TJP2: variants seen among roughly 807,000 people sequenced by gnomAD.
The protein encoded by TJP2 is Friedreich ataxia region gene X104 (tight junction protein ZO-2).
TJP2 carries 91 observed loss-of-function variants against 133.1 expected under a neutral mutation model. That is an observed-to-expected ratio of 0.68 (90% CI 0.58 to 0.81). TJP2 has a LOEUF of 0.81. Among genes scored for constraint, TJP2 ranks in the 40% least tolerant of loss-of-function variants. TJP2 has a pLI of 0.00. For missense variants in TJP2, 1,541 were observed against 1,565.6 expected (o/e 0.98, Z 0.26); for synonymous variants, 592 against 583.4 (o/e 1.01, Z -0.21).
At position 69,229,246 on chromosome 9, in the gene TJP2, T is replaced by A; in HGVS notation, c.1516T>A (p.Tyr506Asn). The change falls in exon 10 of 23, where the codon TAT becomes AAT. Residue 506 changes from tyrosine (Y) to asparagine (N), a missense_variant. By Grantham distance (143) the Tyr-to-Asn change is moderately radical. Transcript: ENST00000377245. ...TCCTAGTCCTGAAGATGAAGCAATATATGGGTATGTATTTCCGTCTCTCTT... is the reference window on the plus strand; with the variant it reads ...TCCTAGTCCTGAAGATGAAGCAATAAATGGGTATGTATTTCCGTCTCTCTT... ...LRPSPEDEAI[Y>N]GPNTKMVRFK... The A allele has an allele frequency of 6.2e-7, 1 of 1,613,764 alleles. No individual in the cohort carries two copies. The highest frequency in any genetic ancestry group is 8.5e-7 in the Non-Finnish European group (1 of 1,179,684).
intron 1 of TJP2, among the ~76,000 whole-genome samples, chr9:69,141,882 C>T (rs1823034392): frequency 1.3e-5 from 2 of 152,230 alleles, no homozygotes; most frequent in African/African-American, 4.8e-5. Flanking sequence ...AGCCACAGCA[C>T]CTGGCTGCAT....
intron 1 of TJP2, among the ~76,000 whole-genome samples, chr9:69,176,970 T>C (rs556551010): frequency 2.0e-5 from 3 of 148,884 alleles, no homozygotes; most frequent in East Asian, 3.9e-4. Context: ...TTGGGTGTGG[T>C]GGGGGCGGGG....
chr9:69,196,149 G>C (rs1050411085), intron 1 of TJP2, among the ~76,000 whole-genome samples: 1 of 152,150 alleles, frequency 6.6e-6, no homozygotes, highest in South Asian at 2.1e-4. Context: ...TGGTGTGAAG[G>C]CCAGTGATCA....
chr9:69,192,472 T>C (rs1173063552), intron 1 of TJP2, among the ~76,000 whole-genome samples: 1 of 152,088 alleles, frequency 6.6e-6, no homozygotes, highest in Non-Finnish European at 1.5e-5. Context: ...ACATTGTCTG[T>C]CTCTTGGTCT....
intron 2 of TJP2, among the ~76,000 whole-genome samples, chr9:69,153,688 G>A (rs1823600193): frequency 1.3e-5 from 2 of 152,164 alleles, no homozygotes; most frequent in African/African-American, 4.8e-5. Context: ...AGAGAGATTG[G>A]AGCTAGCATT....
rs1281360186 is a variant in TJP2 at position 69,195,659 on chromosome 9, A to G, written c.61-16889A>G. ...GTGTCTGGCATATTGTTAATGTCCAATCAGTGATGATGTGTTTCAGGCCCC... is the reference window on the plus strand; with the variant it reads ...GTGTCTGGCATATTGTTAATGTCCAGTCAGTGATGATGTGTTTCAGGCCCC... On this transcript the variant is annotated intron_variant, in intron 1 of 22. Transcript: ENST00000377245. 2.0e-5 allele frequency among the ~76,000 whole-genome samples: 3 copies of G among 152,218 alleles called. No individual in the cohort carries two copies. The East Asian group carries it at 5.8e-4, about 29-fold the overall frequency.
At chr9:69,247,503 G>A (rs958714711) in intron 18 of TJP2, among the ~76,000 whole-genome samples, 5 of 152,218 alleles carry the variant, frequency 3.3e-5, no homozygotes, top group African/African-American at 1.2e-4. Context: ...AGAACTAGAT[G>A]TGTAGTCAAA....
At position 69,254,734 on chromosome 9, in the gene TJP2, C is replaced by G. The variant is rs894728870; in HGVS notation, c.*360C>G. The G allele has an allele frequency of 1.8e-6, 1 of 554,926 alleles. No individual in the cohort carries two copies. Among genetic ancestry groups the G allele is most frequent in the Non-Finnish European group, 3.2e-6 (1 of 314,266 alleles). The allele number at this position is 554,926 out of a possible 1,614,324, so 34.4% of individuals were successfully genotyped here. The stretch of plus-strand genomic sequence containing the variant: ...CCTCATTAATAGCTGCCTTCAAGGA[C>G]TGTTTCAGTGTGAGTCAGAATGTGA... On this transcript the variant is annotated 3_prime_UTR_variant, in exon 23 of 23. Coordinates refer to ENST00000377245, the MANE Select transcript of TJP2 (RefSeq NM_004817.4).
chr9:69,130,948 C>G (rs970266103), intron 1 of TJP2, among the ~76,000 whole-genome samples: 11 of 151,964 alleles, frequency 7.2e-5, no homozygotes, highest in African/African-American at 2.7e-4. Context: ...TGTAGCTGTG[C>G]AGGCCTGGCC....
intron 1 of TJP2, among the ~76,000 whole-genome samples, chr9:69,138,786 G>A (rs1334846276): frequency 6.6e-6 from 1 of 152,090 alleles, no homozygotes; most frequent in South Asian, 2.1e-4. Flanking sequence ...GCATGGTGGA[G>A]CATGCCTGTA....
At chr9:69,133,895 C>G (rs533369993) in intron 1 of TJP2, among the ~76,000 whole-genome samples, 1 of 152,120 alleles carries the variant, frequency 6.6e-6, no homozygotes, top group South Asian at 2.1e-4. Flanking sequence ...TACCTGGATG[C>G]CCCAGATTTC....
intron 1 of TJP2, among the ~76,000 whole-genome samples, chr9:69,196,946 TACACACAC>T (rs746386691): frequency 5.2e-5 from 7 of 134,170 alleles, no homozygotes; most frequent in African/African-American, 1.6e-4. Flanking sequence ...TGTGTGTGTG[TACACACAC>T]ACACACACAC....
chr9:69,153,926 C>T (rs1219767473), intron 2 of TJP2, among the ~76,000 whole-genome samples: 1 of 152,086 alleles, frequency 6.6e-6, no homozygotes. Context: ...ATTTTTTTCC[C>T]AGGCATCTCA....
At chr9:69,157,568 C>A (rs921247154) in intron 2 of TJP2, among the ~76,000 whole-genome samples, 1 of 151,650 alleles carries the variant, frequency 6.6e-6, no homozygotes, top group Non-Finnish European at 1.5e-5. Flanking sequence ...CGGGTTCAAG[C>A]AATTCTCCTG....
chr9:69,175,923 C>A (rs965033497), intron 1 of TJP2, among the ~76,000 whole-genome samples: 2 of 152,138 alleles, frequency 1.3e-5, no homozygotes, highest in African/African-American at 2.4e-5. Flanking sequence ...TCAGTACCAT[C>A]CAGATATTAT....
intron 2 of TJP2, among the ~76,000 whole-genome samples, chr9:69,156,229 T>TGGTGTGCAC (rs1366852231): frequency 6.6e-6 from 1 of 152,148 alleles, no homozygotes; most frequent in African/African-American, 2.4e-5. Context: ...GCTGGGTATG[T>TGGTGTGCAC]GGTGTGCACC....
intron 1 of TJP2, among the ~76,000 whole-genome samples, chr9:69,210,288 C>T: frequency 3.5e-5 from 1 of 28,366 alleles, no homozygotes; most frequent in Admixed American, 3.3e-4. Flanking sequence ...GACCCCGTCC[C>T]CCCCCCCCCC....
intron 20 of TJP2, among the ~76,000 whole-genome samples, chr9:69,250,606 C>T (rs1183096387): frequency 2.0e-5 from 3 of 152,222 alleles, no homozygotes; most frequent in African/African-American, 4.8e-5. Context: ...ACCCCAGTCT[C>T]ATTCCTCAGC....
rs1320229104 is a variant in TJP2 at position 69,240,149 on chromosome 9, TAAGTGA to T, written c.2566+5_2566+10del. 2 of 1,612,690 alleles carry T rather than the reference TAAGTGA, an allele frequency of 1.2e-6. No homozygotes were observed. Among genetic ancestry groups the T allele is most frequent in the Non-Finnish European group, 8.5e-7 (1 of 1,179,236 alleles). On this transcript the variant is annotated splice_donor_5th_base_variant and intron_variant, in intron 17 of 22. Transcript: ENST00000377245. ...AAACGTGTGCACACCTTTTTACAGG[TAAGTGA>T]AATGTAAATGTAGTCCCTTTGCTAA... is the stretch of plus-strand genomic sequence containing the variant.
Sources: gnomAD v4.1 joint callset for allele counts (sites outside exome capture counted in the v4.1 genomes callset) on GRCh38, gnomAD v4.1.1 for gene constraint, MANE v1.5 for transcripts, NCBI Gene and HGNC (gene_info 2026-07-23, HGNC 2026-07-21) for gene names.